The following SLC9D1 variants were observed in gnomAD, a reference collection of about 807,000 sequenced individuals.
SLC9D1 encodes putative LAG1-interacting protein.
the SLC9D1 span, among the ~76,000 whole-genome samples, chr13:113,511,536 G>C: frequency 6.6e-6 from 1 of 152,190 alleles, no homozygotes; most frequent in Non-Finnish European, 1.5e-5. Context: ...GGCTTTCTGC[G>C]GGGCCTGAGG....
At chr13:113,491,472 T>A in the SLC9D1 span, among the ~76,000 whole-genome samples, 1 of 143,354 alleles carries the variant, frequency 7.0e-6, no homozygotes, top group Non-Finnish European at 1.5e-5. Flanking sequence ...CTTCTTCCCT[T>A]CCCAGGGGTC....
chr13:113,540,678 G>T, the SLC9D1 span, among the ~76,000 whole-genome samples: 3 of 152,164 alleles, frequency 2.0e-5, no homozygotes, highest in African/African-American at 4.8e-5. Flanking sequence ...TCTCGCATTC[G>T]TAGGCTGTCT....
At chr13:113,549,428 T>C in the SLC9D1 span, 2 of 1,613,884 alleles carry the variant, frequency 1.2e-6, no homozygotes, top group Non-Finnish European at 1.7e-6. Context: ...GTTGCAGGTG[T>C]ACCTCCTTAT....
the SLC9D1 span, among the ~76,000 whole-genome samples, chr13:113,515,856 A>G: frequency 7.3e-6 from 1 of 137,436 alleles, no homozygotes; most frequent in Non-Finnish European, 1.5e-5. Flanking sequence ...GTGCCACTGC[A>G]CTCCAGCCTG....
At chr13:113,510,420 A>G in the SLC9D1 span, 1 of 1,611,178 alleles carries the variant, frequency 6.2e-7, no homozygotes, top group Non-Finnish European at 8.5e-7. Context: ...GGGGTGACAA[A>G]GAAGGTAGGT....
the SLC9D1 span, chr13:113,503,532 G>A: frequency 3.7e-6 from 6 of 1,613,796 alleles, no homozygotes; most frequent in Non-Finnish European, 5.1e-6. Context: ...AGAATTTGGG[G>A]TGTTTTTTAC....
chr13:113,507,113 G>T, the SLC9D1 span, among the ~76,000 whole-genome samples: 1 of 152,078 alleles, frequency 6.6e-6, no homozygotes. Context: ...CTGTGTCTGG[G>T]ATGTGCGGGT....
the SLC9D1 span, among the ~76,000 whole-genome samples, chr13:113,507,941 C>T: frequency 6.6e-6 from 1 of 152,240 alleles, no homozygotes; most frequent in Non-Finnish European, 1.5e-5. Flanking sequence ...TGACCTTCAG[C>T]CCACAGGCAG....
At chr13:113,498,503 T>A in the SLC9D1 span, 2 of 1,586,566 alleles carry the variant, frequency 1.3e-6, no homozygotes, top group Non-Finnish European at 1.7e-6. Flanking sequence ...AGGAACATGC[T>A]TTTGACGACA....
chr13:113,529,765 A>G, the SLC9D1 span: 1 of 152,222 alleles, frequency 6.6e-6, no homozygotes, highest in African/African-American at 2.4e-5. Context: ...ATTTACCCGC[A>G]AGAAACAAAA....
the SLC9D1 span, among the ~76,000 whole-genome samples, chr13:113,509,672 G>A: frequency 1.3e-5 from 2 of 152,216 alleles, no homozygotes; most frequent in Non-Finnish European, 2.9e-5. Flanking sequence ...AGCACTTCAC[G>A]TGGAATAGGA....
At chr13:113,532,779 CCTT>C in the SLC9D1 span, among the ~76,000 whole-genome samples, 1 of 151,528 alleles carries the variant, frequency 6.6e-6, no homozygotes, top group Non-Finnish European at 1.5e-5. Context: ...CTGCCTCCCT[CCTT>C]CTAAGTCGCA....
chr13:113,501,657 C>T, the SLC9D1 span: 13 of 934,362 alleles, frequency 1.4e-5, no homozygotes, highest in East Asian at 1.8e-4. Flanking sequence ...CAGGTGAAAT[C>T]GGGGAACTAC....
the SLC9D1 span, chr13:113,498,742 C>T: frequency 7.5e-6 from 3 of 397,510 alleles, no homozygotes; most frequent in Non-Finnish European, 1.3e-5. Flanking sequence ...CAGTTCCCCT[C>T]CTCAGCAGCT....
the SLC9D1 span, among the ~76,000 whole-genome samples, chr13:113,531,226 A>C: frequency 6.6e-6 from 1 of 152,240 alleles, no homozygotes; most frequent in East Asian, 1.9e-4. Context: ...GCGTCCCGCC[A>C]GGGAGCCCTT....
chr13:113,548,346 G>A, the SLC9D1 span: 2 of 1,614,040 alleles, frequency 1.2e-6, no homozygotes, highest in Middle Eastern at 1.7e-4. Context: ...CTGCCGAGGA[G>A]CAGCCAGTAC....
chr13:113,498,726 G>A, the SLC9D1 span: 21 of 439,760 alleles, frequency 4.8e-5, no homozygotes, highest in Non-Finnish European at 7.9e-5. Flanking sequence ...TTTTAACACC[G>A]ACAGTCAGTT....
At chr13:113,549,709 T>C in the SLC9D1 span, 9 of 849,860 alleles carry the variant, frequency 1.1e-5, no homozygotes, top group Admixed American at 5.6e-5. Context: ...CTTGTCCTAT[T>C]TTAGAATTTT....
chr13:113,506,334 T>C, the SLC9D1 span, among the ~76,000 whole-genome samples: 3 of 91,044 alleles, frequency 3.3e-5, no homozygotes, highest in Non-Finnish European at 6.1e-5. Flanking sequence ...GTGGGGAGGG[T>C]AAGGGGGTGT....
Sources: gnomAD v4.1 joint callset for allele counts (sites outside exome capture counted in the v4.1 genomes callset) on GRCh38, gnomAD v4.1.1 for gene constraint, MANE v1.5 for transcripts, NCBI Gene and HGNC (gene_info 2026-07-23, HGNC 2026-07-21) for gene names.